The following NCOR2 variants were observed in gnomAD, a reference collection of about 807,000 sequenced individuals.
NCOR2 encodes the protein nuclear receptor corepressor 2, also known as CTG repeat protein 26.
NCOR2 carries 81 observed loss-of-function variants against 262.9 expected under a neutral mutation model. The ratio of observed to expected loss-of-function variants is 0.31; its 90% CI spans 0.26 to 0.37. The LOEUF is 0.37. Ranked by LOEUF, NCOR2 falls within the 10% of genes least tolerant of loss-of-function variation. NCOR2 has a pLI of 1.00. For synonymous variants in NCOR2, 1,659 were observed against 1,559.3 expected, an observed-to-expected ratio of 1.06 and a Z score of -1.51; for missense variants, 3,385 against 3,621.4, an observed-to-expected ratio of 0.93 and a Z score of 1.68.
intron 17 of NCOR2, among the ~76,000 whole-genome samples, chr12:124,381,762 T>G (rs975232078): frequency 2.0e-5 from 3 of 152,168 alleles, no homozygotes; most frequent in Non-Finnish European, 4.4e-5. Context: ...AAGGCGGGGC[T>G]GGGCCAAGGC....
intron 7 of NCOR2, among the ~76,000 whole-genome samples, chr12:124,441,849 G>A (rs2044829884): frequency 6.6e-6 from 1 of 152,152 alleles, no homozygotes; most frequent in Non-Finnish European, 1.5e-5. Flanking sequence ...ACCTCTCTCT[G>A]GTCTTCCCCA....
chr12:124,502,235 T>A (rs2048782215), intron 1 of NCOR2, among the ~76,000 whole-genome samples: 2 of 152,186 alleles, frequency 1.3e-5, no homozygotes, highest in Admixed American at 1.3e-4. Flanking sequence ...AAGAGAGAGC[T>A]CCTGCTGCCC....
chr12:124,546,100 G>A (rs1172821611), intron 1 of NCOR2, among the ~76,000 whole-genome samples: 1 of 152,230 alleles, frequency 6.6e-6, no homozygotes, highest in Non-Finnish European at 1.5e-5. Context: ...TCTCAGGATA[G>A]GGTCTGAGAC....
At chr12:124,533,899 A>G (rs925598154) in intron 1 of NCOR2, among the ~76,000 whole-genome samples, 1 of 149,626 alleles carries the variant, frequency 6.7e-6, no homozygotes, top group Admixed American at 6.7e-5. Context: ...ACATTTGTAA[A>G]CTTTCTGAAA....
chr12:124,350,475 A>G, intron 28 of NCOR2, 112 bp downstream of exon 30: 1 of 1,411,436 alleles, frequency 7.1e-7, no homozygotes, highest in Non-Finnish European at 9.7e-7. Flanking sequence ...GTCACCACCT[A>G]TCAGATTGTG....
intron 16 of NCOR2, 145 bp downstream of exon 18, chr12:124,397,974 G>A (rs2041785187): frequency 1.1e-6 from 1 of 902,296 alleles, no homozygotes; most frequent in Admixed American, 2.1e-5. Flanking sequence ...ACAAACCTGA[G>A]AACAGCCCAG....
chr12:124,487,757 A>G (rs2047853835), intron 1 of NCOR2, among the ~76,000 whole-genome samples: 1 of 152,200 alleles, frequency 6.6e-6, no homozygotes. Flanking sequence ...AAGAGTCCAA[A>G]TACTTGTTTC....
In NCOR2 at chr12:124,378,334, G is replaced by GGCC. The variant is rs1382692565; in HGVS notation, c.2067_2069dup (p.Ala690dup). 5 of 1,613,860 alleles carry GGCC rather than the reference G, an allele frequency of 3.1e-6. No homozygotes were observed. Among genetic ancestry groups the GGCC allele is most frequent in the Middle Eastern group, 1.6e-4 (1 of 6,062 alleles). On this transcript the variant is annotated inframe_insertion, in exon 18 of 47. Coordinates refer to ENST00000405201, the Ensembl canonical transcript of NCOR2. The surrounding 1 kb of genome is among the most constrained non-coding windows in gnomAD (Gnocchi z 4.2). Reference sequence around the variant, plus strand: ...CGGGCGGGAATGCAGCCTCCTCGCTGGCCGCCGCCGGCGCTTTCTTCTTCT... The same window carrying GGCC: ...CGGGCGGGAATGCAGCCTCCTCGCTGGCCGCCGCCGCCGGCGCTTTCTTCTTCT...
chr12:124,420,233 T>C (rs1033826046), intron 12 of NCOR2, among the ~76,000 whole-genome samples, 178 bp from the exon 15 acceptor site: 1 of 152,242 alleles, frequency 6.6e-6, no homozygotes. Flanking sequence ...GGAATGCTAA[T>C]TGTACATACT....
intron 16 of NCOR2, among the ~76,000 whole-genome samples, chr12:124,388,058 G>C (rs1432798513): frequency 6.6e-6 from 1 of 151,868 alleles, no homozygotes; most frequent in African/African-American, 2.4e-5. Context: ...AGTGGGAGTG[G>C]GTTGAGGGCA....
At chr12:124,429,557 C>T in intron 10 of NCOR2, 56 bp downstream of exon 12, 1 of 1,537,690 alleles carries the variant, frequency 6.5e-7, no homozygotes, top group Middle Eastern at 1.7e-4. Flanking sequence ...CCTCTGCACC[C>T]TCACGGGGGA....
intron 4 of NCOR2, among the ~76,000 whole-genome samples, chr12:124,470,186 C>T (rs562924277): frequency 6.9e-6 from 1 of 145,200 alleles, no homozygotes; most frequent in Non-Finnish European, 1.5e-5. Context: ...AAAAAAAAAG[C>T]TGGGGGGCGG....
At chr12:124,500,430 T>A (rs4765572) in intron 1 of NCOR2, among the ~76,000 whole-genome samples, 3,172 of 152,272 alleles carry the variant, frequency 0.021, 57 homozygotes, top group Middle Eastern at 0.071. Flanking sequence ...CATTCCCTGT[T>A]CCCGGCCACT....
chr12:124,501,036 C>A (rs2048683569), intron 1 of NCOR2, among the ~76,000 whole-genome samples: 2 of 149,978 alleles, frequency 1.3e-5, no homozygotes. Context: ...AGAGAGCGCC[C>A]ACGGCACGAG....
intron 22 of NCOR2, among the ~76,000 whole-genome samples, chr12:124,359,788 G>A (rs556848184): frequency 6.6e-6 from 1 of 152,372 alleles, no homozygotes; most frequent in Admixed American, 6.5e-5. Context: ...GGCCCAGGGG[G>A]CCCCGAGGGA....
intron 20 of NCOR2, among the ~76,000 whole-genome samples, chr12:124,369,192 C>T (rs2039281270): frequency 1.3e-5 from 2 of 152,220 alleles, no homozygotes; most frequent in South Asian, 4.1e-4. Flanking sequence ...GGCACCTTCT[C>T]TGAAGAGTAA....
chr12:124,454,360 C>T lies in NCOR2; in HGVS notation c.762+2746G>A, dbSNP rs2045723106. On this transcript the variant is annotated intron_variant, in intron 6 of 46. Transcript: ENST00000405201. The surrounding 1 kb of genome is among the most constrained non-coding windows in gnomAD (Gnocchi z 5.6). ...CCTGTGCCATCAGCCTTGTGGAAGC[C>T]TCTGCTCTGAGATCCCCAAGTGGAA... is the stretch of plus-strand genomic sequence containing the variant. Among the ~76,000 whole-genome samples the T allele has an allele frequency of 1.3e-5, 2 of 152,188 alleles. No individual in the cohort carries two copies. The highest frequency in any genetic ancestry group is 1.3e-4 in the Admixed American group (2 of 15,282).
intron 1 of NCOR2, among the ~76,000 whole-genome samples, chr12:124,526,110 TG>T (rs993026589): frequency 3.3e-5 from 5 of 152,182 alleles, no homozygotes; most frequent in African/African-American, 1.2e-4. Context: ...CCCTCCAAGA[TG>T]GGCTTATGAT....
At chr12:124,409,687 T>C (rs2042461253) in intron 13 of NCOR2, among the ~76,000 whole-genome samples, 1 of 152,086 alleles carries the variant, frequency 6.6e-6, no homozygotes, top group East Asian at 1.9e-4. Context: ...GTTTGCCCTT[T>C]TTTTTGGACG....
Sources: gnomAD v4.1 joint callset for allele counts (sites outside exome capture counted in the v4.1 genomes callset) on GRCh38, gnomAD v4.1.1 for gene constraint, Gnocchi (gnomAD v3.1) non-coding constraint, MANE v1.5 for transcripts, NCBI Gene and HGNC (gene_info 2026-07-23, HGNC 2026-07-21) for gene names.